Variants in SRPK2 observed in about 807,000 individuals in gnomAD.
SRPK2 encodes SRSF protein kinase 2.
A neutral mutation model predicts 90.8 loss-of-function variants in SRPK2; 21 were observed. The ratio of observed to expected loss-of-function variants is 0.23; its 90% CI spans 0.16 to 0.33. The LOEUF (loss-of-function observed/expected upper bound fraction) is 0.33. Among genes scored for constraint, SRPK2 ranks in the 10% least tolerant of loss-of-function variants. SRPK2 has a pLI of 1.00. For synonymous variants in SRPK2, 288 were observed against 311.1 expected (o/e 0.93, Z 0.78); for missense variants, 620 against 869.0 (o/e 0.71, Z 3.60).
At chr7:105,269,741 TA>T (rs1326054848) in intron 2 of SRPK2, among the ~76,000 whole-genome samples, 1 of 152,184 alleles carries the variant, frequency 6.6e-6, no homozygotes, top group African/African-American at 2.4e-5. Flanking sequence ...ACGTTTCCTT[TA>T]AAACATCAAC....
At position 105,311,241 on chromosome 7, in the gene SRPK2, AT is replaced by A. The variant is rs947785132; in HGVS notation, c.71+77406del. Reference sequence around the variant, plus strand: ...ATAATAAGCAAATAATTTCTTTCTTATTTTTTTTTTGAGACGGAGTTTCACT... The same window carrying A: ...ATAATAAGCAAATAATTTCTTTCTTATTTTTTTTTGAGACGGAGTTTCACT... On this transcript the variant is annotated intron_variant, in intron 2 of 15. Coordinates refer to ENST00000393651, the MANE Select transcript of SRPK2 (RefSeq NM_182692.3). Among the ~76,000 whole-genome samples, 371 of 150,108 alleles carry A rather than the reference AT, an allele frequency of 2.5e-3. 1 individual carries two copies. The highest frequency in any genetic ancestry group is 8.7e-3 in the African/African-American group (356 of 41,076).
intron 2 of SRPK2, among the ~76,000 whole-genome samples, chr7:105,205,542 CACACACACACACACACACACACACACA>C (rs1796118482): frequency 7.3e-6 from 1 of 136,950 alleles, no homozygotes; most frequent in African/African-American, 3.5e-5. Context: ...CACACACACA[CACACACACACACACACACACACACACA>C]CCACTTCCAG....
At chr7:105,282,242 T>A (rs568046414) in intron 2 of SRPK2, among the ~76,000 whole-genome samples, 1 of 152,276 alleles carries the variant, frequency 6.6e-6, no homozygotes, top group East Asian at 1.9e-4. Flanking sequence ...CTTCAGCAAA[T>A]GGTGATAGAC....
At chr7:105,263,085 G>C (rs1281638746) in intron 2 of SRPK2, among the ~76,000 whole-genome samples, 1 of 152,180 alleles carries the variant, frequency 6.6e-6, no homozygotes, top group Non-Finnish European at 1.5e-5. Context: ...CTAGCACTTT[G>C]GGAGGCTGAG....
At chr7:105,389,214 C>A (rs1217537992), upstream of SRPK2, 26 of 1,192,058 alleles carry the variant, frequency 2.2e-5, no homozygotes, top group Non-Finnish European at 2.6e-5. Context: ...CGGGACCCTC[C>A]CTCCCCGCCG....
At chr7:105,261,550 GA>G (rs1176410672) in intron 2 of SRPK2, among the ~76,000 whole-genome samples, 1 of 151,400 alleles carries the variant, frequency 6.6e-6, no homozygotes, top group East Asian at 1.9e-4. Context: ...AAAGAAAAAA[GA>G]AAAATCTAAG....
At chr7:105,181,410 G>T (rs992303454) in intron 3 of SRPK2, among the ~76,000 whole-genome samples, 2 of 152,108 alleles carry the variant, frequency 1.3e-5, no homozygotes, top group African/African-American at 4.8e-5. Flanking sequence ...AAAGACACAC[G>T]CACGCACGTG....
At chr7:105,389,232 T>G (rs1822058265), upstream of SRPK2, 1 of 1,233,556 alleles carries the variant, frequency 8.1e-7, no homozygotes, top group Non-Finnish European at 1.0e-6. Flanking sequence ...CCGCGGCCTC[T>G]CCCCTCCGCA....
At chr7:105,118,437 A>G (rs755958009) in intron 15 of SRPK2, among the ~76,000 whole-genome samples, 1 of 152,186 alleles carries the variant, frequency 6.6e-6, no homozygotes, top group Non-Finnish European at 1.5e-5. Context: ...TGTAAGATCT[A>G]AGATCCTAGG....
chr7:105,126,789 C>T (rs527955063), intron 14 of SRPK2, among the ~76,000 whole-genome samples: 2 of 152,326 alleles, frequency 1.3e-5, no homozygotes, highest in East Asian at 3.9e-4. Context: ...CCCCTGAGGG[C>T]TCGCTGGAGT....
intron 2 of SRPK2, among the ~76,000 whole-genome samples, chr7:105,254,487 C>T (rs1439190144): frequency 6.6e-6 from 1 of 152,174 alleles, no homozygotes; most frequent in African/African-American, 2.4e-5. Flanking sequence ...TATGTACATC[C>T]ATCCATATCA....
chr7:105,336,234 C>G (rs1228846112), intron 2 of SRPK2, among the ~76,000 whole-genome samples: 1 of 152,044 alleles, frequency 6.6e-6, no homozygotes, highest in Non-Finnish European at 1.5e-5. Flanking sequence ...AAGTAATGTT[C>G]TTTTCTTTAC....
At chr7:105,367,746 TAC>T (rs1369433846) in intron 2 of SRPK2, among the ~76,000 whole-genome samples, 1 of 152,056 alleles carries the variant, frequency 6.6e-6, no homozygotes, top group Admixed American at 6.6e-5. Context: ...GTACAGTCTG[TAC>T]ACACACATTT....
intron 2 of SRPK2, among the ~76,000 whole-genome samples, chr7:105,361,120 C>A (rs898421066): frequency 1.2e-4 from 18 of 152,296 alleles, no homozygotes; most frequent in African/African-American, 4.3e-4. Flanking sequence ...TGATAAGCAA[C>A]TTCAGCAAAG....
chr7:105,254,675 T>C (rs79966647), intron 2 of SRPK2, among the ~76,000 whole-genome samples: 1 of 151,470 alleles, frequency 6.6e-6, no homozygotes, highest in Non-Finnish European at 1.5e-5. Flanking sequence ...GTTTTTTTTT[T>C]GTTGTTGTTG....
rs1817647823 is a variant in SRPK2, at chr7:105,355,266, CAGG to C, written c.71+33379_71+33381del. 2.0e-5 allele frequency among the ~76,000 whole-genome samples: 3 copies of C among 152,038 alleles called. No individual in the cohort carries two copies. In the South Asian group the frequency reaches 6.2e-4, roughly 32 times the overall value. On this transcript the variant is annotated intron_variant, in intron 2 of 15. Coordinates refer to ENST00000393651, the MANE Select transcript of SRPK2 (RefSeq NM_182692.3). ...ATCCTAGCACTTTGGGAGGCCACAG[CAGG>C]AGGAGTGCTAGAGACCAGGAGTTCA... is the stretch of plus-strand genomic sequence containing the variant.
At chr7:105,176,834 C>T (rs895703802) in intron 3 of SRPK2, among the ~76,000 whole-genome samples, 12 of 151,482 alleles carry the variant, frequency 7.9e-5, no homozygotes, top group Non-Finnish European at 1.8e-4. Context: ...AGGGTTTCAC[C>T]ATGTTGGCCA....
intron 2 of SRPK2, among the ~76,000 whole-genome samples, chr7:105,235,031 G>A (rs1013579985): frequency 1.3e-5 from 2 of 151,992 alleles, no homozygotes; most frequent in African/African-American, 4.8e-5. Context: ...ATCAGCTATC[G>A]TTAGTGTTAG....
chr7:105,301,763 A>G, intron 2 of SRPK2: 1 of 1,595,422 alleles, frequency 6.3e-7, no homozygotes, highest in Non-Finnish European at 8.6e-7. Flanking sequence ...AGAGTATATT[A>G]GCCAAGTTAC....
Sources: allele counts gnomAD v4.1 joint callset (sites outside exome capture counted in the v4.1 genomes callset), GRCh38; gene constraint gnomAD v4.1.1; transcripts MANE v1.5; gene names NCBI Gene and HGNC (gene_info 2026-07-23, HGNC 2026-07-21).